Variants in C16orf89 observed in about 807,000 individuals in gnomAD.
C16orf89 encodes chromosome 16 open reading frame 89.
C16orf89 carries 57 observed loss-of-function variants against 41.5 expected under a neutral mutation model. The observed-to-expected ratio is 1.38, with a 90% confidence interval of 1.11 to 1.71. The LOEUF is 1.71. C16orf89 is among the 40% of genes most tolerant of loss of function. C16orf89 has a pLI of 0.00. For synonymous variants in C16orf89, 223 were observed against 190.6 expected (o/e 1.17, Z -1.40); for missense variants, 575 against 445.9 (o/e 1.29, Z -2.61).
At chr16:5,059,826 T>TGG (rs1197105291) in intron 3 of C16orf89, among the ~76,000 whole-genome samples, 3 of 145,220 alleles carry the variant, frequency 2.1e-5, no homozygotes, top group Non-Finnish European at 3.0e-5. Flanking sequence ...TGCTATGTGC[T>TGG]GGGGTCAGAG....
In C16orf89 at chr16:5,065,931, G is replaced by T; in HGVS notation, c.-23C>A. On this transcript the variant is annotated 5_prime_UTR_variant, in exon 1 of 8. Transcript: ENST00000472572. ...CATGGCCGGCCTCTGCTCACTGCTG[G>T]TCACACGCTCAGCACCCTGAGCTCT... The T allele has an allele frequency of 9.9e-6, 16 of 1,609,162 alleles. No homozygotes were observed. Among genetic ancestry groups the T allele is most frequent in the Non-Finnish European group, 1.4e-5 (16 of 1,178,314 alleles).
chr16:5,060,101 G>A, intron 3 of C16orf89, 185 bp downstream of exon 3: 4 of 617,740 alleles, frequency 6.5e-6, no homozygotes, highest in Non-Finnish European at 7.5e-6. Flanking sequence ...CCAGCGGGCG[G>A]CTGGAGCAAG....
rs201858948 is a variant in C16orf89 at position 5,055,636 on chromosome 16, G to C, written c.764-286C>G. 518 of 1,478,382 alleles carry C rather than the reference G, an allele frequency of 3.5e-4. 2 individuals are homozygous for C. Among genetic ancestry groups the C allele is most frequent in the Middle Eastern group, 2.3e-3 (13 of 5,670 alleles). 91.6% of individuals were successfully genotyped at this position (1,478,382 alleles called of 1,614,324 possible). ...CCAGCCAGCTAGCAGCCTCCCAAGC[G>C]CTCCCTGTCTGCCTCATCCATAAGG... On this transcript the variant is annotated intron_variant, in intron 5 of 7. Coordinates refer to ENST00000472572, the MANE Select transcript of C16orf89 (RefSeq NM_001098514.3).
At chr16:5,058,068 C>G (rs1351388498) in intron 4 of C16orf89, among the ~76,000 whole-genome samples, 1 of 152,022 alleles carries the variant, frequency 6.6e-6, no homozygotes, top group Non-Finnish European at 1.5e-5. Context: ...CAAAGCTCTG[C>G]TTATTTTCCT....
At chr16:5,057,022 G>A (rs1381769489) in intron 4 of C16orf89, among the ~76,000 whole-genome samples, 2 of 149,026 alleles carry the variant, frequency 1.3e-5, no homozygotes, top group South Asian at 2.1e-4. Flanking sequence ...GGTGGATCAC[G>A]AGGTCCGGAA....
chr16:5,053,910 G>C (rs1052626511), intron 6 of C16orf89, among the ~76,000 whole-genome samples: 1 of 152,184 alleles, frequency 6.6e-6, no homozygotes, highest in African/African-American at 2.4e-5. Context: ...TGTTTGAGGT[G>C]ATGCGTCTGC....
chr16:5,051,978 C>T (rs1307011558), intron 6 of C16orf89, among the ~76,000 whole-genome samples: 1 of 151,450 alleles, frequency 6.6e-6, no homozygotes, highest in Admixed American at 6.6e-5. Context: ...TGGTGGGTGG[C>T]TGTAATCCCA....
At chr16:5,063,620 C>T (rs741163) in intron 1 of C16orf89, among the ~76,000 whole-genome samples, 23,463 of 152,072 alleles carry the variant, frequency 0.15, 1,884 homozygotes, top group African/African-American at 0.17. Context: ...TGGCTGCATT[C>T]GATTCTCACA....
In C16orf89 at chr16:5,060,795, T is replaced by A. The variant is rs562442258; in HGVS notation, c.359-359A>T. Among the ~76,000 whole-genome samples, 3 of 151,928 alleles carry A rather than the reference T, an allele frequency of 2.0e-5. No homozygotes were observed. The South Asian group carries it at 6.2e-4, about 31-fold the overall frequency. ...AAGGAAGATCGCTTGAGGCCCAACG[T>A]TCAAGACCAGCCTAGGCAACATAGC... On this transcript the variant is annotated intron_variant, in intron 2 of 7. Coordinates refer to ENST00000472572, the MANE Select transcript of C16orf89 (RefSeq NM_001098514.3).
downstream of C16orf89, chr16:5,044,014 A>G: frequency 7.2e-6 from 4 of 553,376 alleles, no homozygotes; most frequent in Non-Finnish European, 6.9e-6. Flanking sequence ...AAAAAAAAAA[A>G]GGAAAAAAGA....
intron 2 of C16orf89, among the ~76,000 whole-genome samples, chr16:5,061,750 G>A (rs1036020086): frequency 1.3e-5 from 2 of 152,166 alleles, no homozygotes; most frequent in African/African-American, 2.4e-5. Flanking sequence ...AGCATGAAGC[G>A]TGGCCTGGCT....
intron 4 of C16orf89, among the ~76,000 whole-genome samples, chr16:5,058,225 C>T (rs1358337373): frequency 1.3e-5 from 2 of 151,970 alleles, no homozygotes; most frequent in Non-Finnish European, 2.9e-5. Flanking sequence ...CTCCCGGGTT[C>T]CAGTGATTCT....
intron 2 of C16orf89, among the ~76,000 whole-genome samples, chr16:5,061,484 C>CA (rs757755365): frequency 0.048 from 248 of 5,128 alleles, 18 homozygotes; most frequent in African/African-American, 0.19. Context: ...GACACTGTCT[C>CA]AAAAAAAAAA....
rs530025133 is a variant in C16orf89, at chr16:5,058,486, C to T, written c.627+7G>A. ...CCTGGCACGGCGGGGGCTCCCTGGG[C>T]ACTCACCATTCTGGCCCAGAGGAAG... On this transcript the variant is annotated splice_region_variant and intron_variant, in intron 4 of 7. Coordinates refer to ENST00000472572, the MANE Select transcript of C16orf89 (RefSeq NM_001098514.3). The T allele has an allele frequency of 6.3e-7, 1 of 1,590,152 alleles. No individual in the cohort carries two copies. The highest frequency in any genetic ancestry group is 2.3e-5 in the East Asian group (1 of 44,210).
At chr16:5,043,073 G>GTT, downstream of C16orf89, 1 of 147,790 alleles carries the variant, frequency 6.8e-6, no homozygotes, top group Non-Finnish European at 1.5e-5. Context: ...GCTGGGTTTT[G>GTT]TTTTTTTTTT....
At position 5,065,614 on chromosome 16, in the gene C16orf89, C is replaced by G. The variant is rs1308924332; in HGVS notation, c.208+87G>C. On this transcript the variant is annotated intron_variant, in intron 1 of 7. Coordinates refer to ENST00000472572, the MANE Select transcript of C16orf89 (RefSeq NM_001098514.3). ...GGCTATACTGGGGCCAGGAGTCTGCCAGGTCCCAGGCGTACAGAGCAGGGC... is the reference window on the plus strand; with the variant it reads ...GGCTATACTGGGGCCAGGAGTCTGCGAGGTCCCAGGCGTACAGAGCAGGGC... 40 of 1,420,072 alleles carry G rather than the reference C, an allele frequency of 2.8e-5. No homozygotes were observed. The Admixed American group carries it at 5.9e-4, about 21-fold the overall frequency. 88.0% of individuals were successfully genotyped at this position (1,420,072 alleles called of 1,614,324 possible). A position where few individuals can be genotyped will look rare whatever the true frequency, so the allele number is the denominator to read the frequency against.
At chr16:5,053,052 T>C (rs973120922) in intron 6 of C16orf89, among the ~76,000 whole-genome samples, 15 of 152,186 alleles carry the variant, frequency 9.9e-5, no homozygotes, top group African/African-American at 2.7e-4. Context: ...ATGTCCTTCC[T>C]CGTATGTGGA....
rs141090527 is a variant in C16orf89, at chr16:5,044,736, C to T, written c.956-258G>A. On this transcript the variant is annotated intron_variant, in intron 7 of 7. Transcript: ENST00000472572. Reference sequence around the variant, plus strand: ...GCACGCTCCTGTAGTCCCAGCTACTCGGGAGGATGAGGCAAGAGAATTGCT... The same window carrying T: ...GCACGCTCCTGTAGTCCCAGCTACTTGGGAGGATGAGGCAAGAGAATTGCT... 2,691 of 1,012,776 alleles carry T rather than the reference C, an allele frequency of 2.7e-3. 36 individuals carry two copies. The African/African-American group carries it at 0.039, about 15-fold the overall frequency. The allele number at this position is 1,012,776 out of a possible 1,614,324, so 62.7% of individuals were successfully genotyped here.
chr16:5,061,501 A>G (rs796982551), intron 2 of C16orf89, among the ~76,000 whole-genome samples: 6 of 88,902 alleles, frequency 6.7e-5, no homozygotes, highest in East Asian at 4.0e-4. Flanking sequence ...AAAAAAAAAA[A>G]AAACCCCCCC....
Sources: allele counts gnomAD v4.1 joint callset (sites outside exome capture counted in the v4.1 genomes callset), GRCh38; gene constraint gnomAD v4.1.1; transcripts MANE v1.5; gene names NCBI Gene and HGNC (gene_info 2026-07-23, HGNC 2026-07-21).